The following TENM3 variants were observed in gnomAD, a reference collection of about 807,000 sequenced individuals.
TENM3 encodes teneurin transmembrane protein 3, also known as teneurin-3.
A neutral mutation model predicts 255.1 loss-of-function variants in TENM3; 63 were observed. The observed-to-expected ratio is 0.25, with a 90% CI of 0.20 to 0.30. The LOEUF (loss-of-function observed/expected upper bound fraction) is 0.30. Among genes scored for constraint, TENM3 ranks in the 10% least tolerant of loss-of-function variants. The pLI, the probability that TENM3 is intolerant of heterozygous loss-of-function variation, is 1.00. For missense variants in TENM3, 2,929 were observed against 3,461.1 expected, an observed-to-expected ratio of 0.85 and a Z score of 3.86; for synonymous variants, 1,306 against 1,322.3, an observed-to-expected ratio of 0.99 and a Z score of 0.27.
chr4:182,089,406 T>C, the TENM3 span, among the ~76,000 whole-genome samples: 22 of 152,258 alleles, frequency 1.4e-4, no homozygotes, highest in East Asian at 2.7e-3. Context: ...CTTTCTTAGA[T>C]TGAAATGGGT....
the TENM3 span, among the ~76,000 whole-genome samples, chr4:182,029,995 C>G: frequency 8.0e-6 from 1 of 124,644 alleles, no homozygotes; most frequent in Non-Finnish European, 1.6e-5. Context: ...GCATGCATCT[C>G]TCTCCTTTTT....
intron 3 of TENM3, among the ~76,000 whole-genome samples, chr4:182,403,414 G>A (rs76970831): frequency 4.3e-4 from 66 of 152,306 alleles, no homozygotes; most frequent in African/African-American, 1.5e-3. Flanking sequence ...CAGGCCTGAT[G>A]CACTATATCT....
intron 5 of TENM3, among the ~76,000 whole-genome samples, chr4:182,646,757 C>A (rs895885451): frequency 6.6e-5 from 10 of 151,966 alleles, no homozygotes; most frequent in African/African-American, 1.9e-4. Context: ...TACATACATA[C>A]ATAAAAATAA....
At chr4:182,095,486 T>C in the TENM3 span, among the ~76,000 whole-genome samples, 1 of 152,118 alleles carries the variant, frequency 6.6e-6, no homozygotes, top group East Asian at 1.9e-4. Flanking sequence ...CGTGAAAGCT[T>C]AAAAATTTGA....
At chr4:181,914,014 A>T in the TENM3 span, among the ~76,000 whole-genome samples, 1 of 152,194 alleles carries the variant, frequency 6.6e-6, no homozygotes, top group Non-Finnish European at 1.5e-5. Context: ...AGCCTTGTCT[A>T]TTGCGATCAC....
At chr4:182,232,981 C>T (rs886451985) in intron 1 of TENM3, among the ~76,000 whole-genome samples, 9 of 152,140 alleles carry the variant, frequency 5.9e-5, no homozygotes, top group African/African-American at 1.7e-4. Context: ...TTCCATTTAA[C>T]GTCTTTGGAC....
intron 4 of TENM3, among the ~76,000 whole-genome samples, chr4:182,619,170 G>A (rs111626577): frequency 0.2 from 30,257 of 151,954 alleles, 3,530 homozygotes; most frequent in Non-Finnish European, 0.27. Flanking sequence ...GCTCACACCT[G>A]TAATCGCAAC....
chr4:182,460,257 C>T (rs1190346331), intron 3 of TENM3, among the ~76,000 whole-genome samples: 6 of 152,100 alleles, frequency 3.9e-5, no homozygotes, highest in Admixed American at 3.9e-4. Context: ...AATTATTTAT[C>T]TATGTCTTAA....
At chr4:182,036,481 G>A in the TENM3 span, among the ~76,000 whole-genome samples, 28 of 143,566 alleles carry the variant, frequency 2.0e-4, no homozygotes, top group Admixed American at 8.2e-4. Context: ...GTGAACCACC[G>A]CACCCGGCCG....
intron 3 of TENM3, among the ~76,000 whole-genome samples, chr4:182,528,149 A>C (rs1318128189): frequency 1.3e-5 from 2 of 151,728 alleles, no homozygotes; most frequent in East Asian, 1.9e-4. Flanking sequence ...AGACAGTCTC[A>C]CTCTGTCGCC....
intron 19 of TENM3, among the ~76,000 whole-genome samples, chr4:182,748,109 A>T (rs774120447): frequency 4.5e-4 from 68 of 152,324 alleles, no homozygotes; most frequent in Non-Finnish European, 8.2e-4. Context: ...ATCTGTGTCT[A>T]ATTGAATGAG....
At chr4:181,506,684 T>G in the TENM3 span, among the ~76,000 whole-genome samples, 1 of 151,536 alleles carries the variant, frequency 6.6e-6, no homozygotes, top group Non-Finnish European at 1.5e-5. Flanking sequence ...TCTCAGGGAT[T>G]GAAGGACCAT....
intron 4 of TENM3, among the ~76,000 whole-genome samples, chr4:182,625,637 T>C (rs1384192629): frequency 6.6e-6 from 1 of 152,192 alleles, no homozygotes; most frequent in African/African-American, 2.4e-5. Flanking sequence ...AAGATGATCA[T>C]TTGGCCCTGT....
intron 3 of TENM3, among the ~76,000 whole-genome samples, chr4:182,569,855 A>G (rs1426463317): frequency 6.8e-6 from 1 of 146,900 alleles, no homozygotes; most frequent in Non-Finnish European, 1.5e-5. Flanking sequence ...TAGGGCATTC[A>G]TGTCTTTCTG....
At chr4:181,914,807 A>G in the TENM3 span, among the ~76,000 whole-genome samples, 1 of 152,220 alleles carries the variant, frequency 6.6e-6, no homozygotes, top group Non-Finnish European at 1.5e-5. Flanking sequence ...AAAAAGAGAC[A>G]AATTGTCAAC....
At chr4:182,404,891 T>C (rs1311622696) in intron 3 of TENM3, among the ~76,000 whole-genome samples, 1 of 152,190 alleles carries the variant, frequency 6.6e-6, no homozygotes, top group African/African-American at 2.4e-5. Context: ...GAACAATCAT[T>C]GCATTCTCCT....
intron 6 of TENM3, among the ~76,000 whole-genome samples, chr4:182,659,496 G>A (rs1479804847): frequency 6.6e-6 from 1 of 152,148 alleles, no homozygotes; most frequent in Admixed American, 6.6e-5. Context: ...ATCCACTGGG[G>A]ATCTTGGAAC....
chr4:181,613,904 C>A, the TENM3 span, among the ~76,000 whole-genome samples: 1 of 152,100 alleles, frequency 6.6e-6, no homozygotes. Context: ...AAATTGAGTG[C>A]AGAAGTAGGT....
chr4:182,116,183 C>T, the TENM3 span, among the ~76,000 whole-genome samples: 1 of 151,852 alleles, frequency 6.6e-6, no homozygotes, highest in Non-Finnish European at 1.5e-5. Context: ...CCTCTGTGCT[C>T]AGCCTATTCA....
Sources: allele counts gnomAD v4.1 joint callset (sites outside exome capture counted in the v4.1 genomes callset), GRCh38; gene constraint gnomAD v4.1.1; transcripts MANE v1.5; gene names NCBI Gene and HGNC (gene_info 2026-07-23, HGNC 2026-07-21).